Variants in CSMD1 observed in about 807,000 individuals in gnomAD.
CSMD1 encodes CUB and Sushi multiple domains 1.
A neutral mutation model predicts 417.5 loss-of-function variants in CSMD1; 213 were observed. The observed-to-expected ratio is 0.51, with a 90% CI of 0.46 to 0.57. CSMD1 has a LOEUF of 0.57. Among genes scored for constraint, CSMD1 ranks in the 20% least tolerant of loss-of-function variants. The pLI is 0.00. For missense variants in CSMD1, 6,923 were observed against 4,529.7 expected (o/e 1.53, Z -15.17); for synonymous variants, 2,862 against 1,736.8 (o/e 1.65, Z -16.11).
chr8:4,824,214 A>G (rs747619490), intron 1 of CSMD1, among the ~76,000 whole-genome samples: 4 of 152,110 alleles, frequency 2.6e-5, no homozygotes, highest in Non-Finnish European at 5.9e-5. Flanking sequence ...TATAACATGT[A>G]ATGTTATAGA....
intron 5 of CSMD1, among the ~76,000 whole-genome samples, chr8:3,859,927 G>A (rs1246255074): frequency 3.3e-5 from 5 of 152,138 alleles, no homozygotes; most frequent in Admixed American, 2.6e-4. Flanking sequence ...ATAACCATGA[G>A]TGTAATAGCT....
intron 8 of CSMD1, among the ~76,000 whole-genome samples, chr8:3,607,965 T>A (rs1261786598): frequency 6.6e-6 from 1 of 151,542 alleles, no homozygotes; most frequent in South Asian, 2.1e-4. Context: ...AGGTCAGGAG[T>A]TCAAGACCAG....
chr8:3,057,870 G>T (rs1004458306), intron 49 of CSMD1, among the ~76,000 whole-genome samples: 1 of 152,068 alleles, frequency 6.6e-6, no homozygotes, highest in African/African-American at 2.4e-5. Context: ...AATTTATAGT[G>T]GTTCCTTATT....
intron 1 of CSMD1, among the ~76,000 whole-genome samples, chr8:4,820,620 T>C (rs1044522476): frequency 2.0e-5 from 3 of 152,192 alleles, no homozygotes; most frequent in Non-Finnish European, 2.9e-5. Context: ...ATCACTGAAG[T>C]AATTTTGAGT....
chr8:4,172,488 T>TAA (rs377382512), intron 3 of CSMD1, among the ~76,000 whole-genome samples: 1 of 146,748 alleles, frequency 6.8e-6, no homozygotes, highest in Non-Finnish European at 1.5e-5. Flanking sequence ...ACATGACAAT[T>TAA]AAAAAAAAAA....
chr8:4,634,348 C>G (rs1419504321), intron 2 of CSMD1, among the ~76,000 whole-genome samples: 1 of 152,002 alleles, frequency 6.6e-6, no homozygotes, highest in Admixed American at 6.6e-5. Flanking sequence ...GTTTTGTCAG[C>G]TGGGGATTAA....
At chr8:2,942,349 A>G (rs1182100321) in intron 69 of CSMD1, 123 bp downstream of exon 69, 2 of 926,854 alleles carry the variant, frequency 2.2e-6, no homozygotes, top group African/African-American at 3.3e-5. Flanking sequence ...ATTTAAAAAA[A>G]AAAAAAGAAC....
At chr8:4,156,639 G>C (rs1714778) in intron 3 of CSMD1, among the ~76,000 whole-genome samples, 11,164 of 152,076 alleles carry the variant, frequency 0.073, 596 homozygotes, top group Middle Eastern at 0.12. Flanking sequence ...TTGCTATTTG[G>C]TGATACCAGG....
At chr8:3,471,932 T>C (rs1267492945) in intron 11 of CSMD1, among the ~76,000 whole-genome samples, 1 of 151,834 alleles carries the variant, frequency 6.6e-6, no homozygotes, top group Non-Finnish European at 1.5e-5. Flanking sequence ...GCAAAACGAG[T>C]CGAGGAGAGT....
chr8:3,825,045 A>G (rs1008389637), intron 5 of CSMD1, among the ~76,000 whole-genome samples: 1 of 152,134 alleles, frequency 6.6e-6, no homozygotes, highest in African/African-American at 2.4e-5. Flanking sequence ...ATATTTAGGG[A>G]GACTTCGCTG....
chr8:3,188,111 T>G (rs1796180097), intron 35 of CSMD1, 146 bp from the exon 36 acceptor site: 1 of 274,940 alleles, frequency 3.6e-6, no homozygotes, highest in South Asian at 1.1e-4. Flanking sequence ...CATATACACC[T>G]TAATAATGCC....
chr8:4,403,106 C>G (rs1002715557), intron 3 of CSMD1, among the ~76,000 whole-genome samples: 16 of 152,048 alleles, frequency 1.1e-4, no homozygotes, highest in African/African-American at 3.9e-4. Flanking sequence ...GCTGGGATTA[C>G]AGGCGTGAGC....
chr8:4,219,042 T>C (rs1392114785), intron 3 of CSMD1, among the ~76,000 whole-genome samples: 3 of 152,166 alleles, frequency 2.0e-5, no homozygotes, highest in South Asian at 2.1e-4. Flanking sequence ...CCCACTAAAA[T>C]GGTCATACGT....
At chr8:4,479,723 G>T (rs1474166885) in intron 2 of CSMD1, among the ~76,000 whole-genome samples, 1 of 151,858 alleles carries the variant, frequency 6.6e-6, no homozygotes, top group African/African-American at 2.4e-5. Context: ...GTGAAACCCC[G>T]TCTCTACTAA....
chr8:3,374,616 C>T lies in CSMD1; in HGVS notation c.2783-5246G>A, dbSNP rs75144342. 4.7e-3 allele frequency among the ~76,000 whole-genome samples: 711 copies of T among 152,312 alleles called. 6 individuals carry two copies. The highest frequency in any genetic ancestry group is 0.016 in the African/African-American group (672 of 41,568). On this transcript the variant is annotated intron_variant, in intron 18 of 69. Transcript: ENST00000635120. ...GAATGCACATCCTGGCAAATGTCCACTCCCAGGATGGTGAGTATGGAGTAA... is the reference window on the plus strand; with the variant it reads ...GAATGCACATCCTGGCAAATGTCCATTCCCAGGATGGTGAGTATGGAGTAA...
intron 26 of CSMD1, among the ~76,000 whole-genome samples, chr8:3,261,596 C>G (rs1368848249): frequency 6.6e-6 from 1 of 152,120 alleles, no homozygotes; most frequent in Non-Finnish European, 1.5e-5. Context: ...GGAAATTACC[C>G]AGGTGTCCTT....
At chr8:3,763,488 G>T (rs1489372537) in intron 5 of CSMD1, among the ~76,000 whole-genome samples, 1 of 152,018 alleles carries the variant, frequency 6.6e-6, no homozygotes, top group African/African-American at 2.4e-5. Flanking sequence ...TTCTCACCCT[G>T]TGATATACCT....
Position 3,645,515 on chromosome 8 carries a change from G to C in CSMD1, c.1010-28718C>G, listed in dbSNP as rs1254866085. ...AGAAATGGGGAAGGGGAAGGAAGGG[G>C]AGGATGTGTGGTCAGAGGTGAAGCT... is the stretch of plus-strand genomic sequence containing the variant. On this transcript the variant is annotated intron_variant, in intron 7 of 69. Transcript: ENST00000635120. 3.3e-5 allele frequency among the ~76,000 whole-genome samples: 5 copies of C among 152,190 alleles called. No homozygotes were observed. The East Asian group carries it at 5.8e-4, about 18-fold the overall frequency.
intron 7 of CSMD1, among the ~76,000 whole-genome samples, chr8:3,688,303 G>C (rs932667291): frequency 2.0e-5 from 3 of 152,098 alleles, no homozygotes; most frequent in South Asian, 2.1e-4. Flanking sequence ...AGGTGTAAAG[G>C]ACCAATTTTA....
Sources: gnomAD v4.1 joint callset for allele counts (sites outside exome capture counted in the v4.1 genomes callset) on GRCh38, gnomAD v4.1.1 for gene constraint, MANE v1.5 for transcripts, NCBI Gene and HGNC (gene_info 2026-07-23, HGNC 2026-07-21) for gene names.